Variants in SP6 observed in about 807,000 individuals in gnomAD.
SP6 encodes transcription factor Sp6.
Under a neutral mutation model 23.4 loss-of-function variants are expected in SP6, and 10 were observed. That is an observed-to-expected ratio of 0.43 (90% CI 0.26 to 0.72). The LOEUF is 0.72. Among genes scored for constraint, SP6 ranks in the 30% least tolerant of loss-of-function variants. The pLI is 0.23. For missense variants in SP6, 482 were observed against 523.8 expected (o/e 0.92, Z 0.78); for synonymous variants, 238 against 238.7 (o/e 1.00, Z 0.03).
the SP6 span, among the ~76,000 whole-genome samples, chr17:47,867,442 G>A: frequency 6.6e-6 from 1 of 152,214 alleles, no homozygotes; most frequent in Non-Finnish European, 1.5e-5. Flanking sequence ...GGCTAGGCCT[G>A]AAATACCTCT....
the SP6 span, among the ~76,000 whole-genome samples, chr17:47,863,839 C>A: frequency 6.7e-6 from 1 of 149,228 alleles, no homozygotes; most frequent in Non-Finnish European, 1.5e-5. Context: ...CCTGGGTTCA[C>A]GCCATTCTCC....
At chr17:47,854,163 T>C (rs2033981877), upstream of SP6, among the ~76,000 whole-genome samples, 1 of 152,184 alleles carries the variant, frequency 6.6e-6, no homozygotes, top group African/African-American at 2.4e-5. Context: ...CCCCCATTCC[T>C]GCCACCCCTC....
rs967009118 is a variant in SP6, at chr17:47,846,727, T to G, written c.*572A>C. ...GGAGTTATTTTTACAGCAACAACCC[T>G]CCAAACCAGAAAGAGACACCCCTGC... On this transcript the variant is annotated 3_prime_UTR_variant, in exon 2 of 2. Coordinates refer to ENST00000536300, the MANE Select transcript of SP6 (RefSeq NM_001258248.2). The G allele has an allele frequency of 6.6e-6, 1 of 152,132 alleles. No individual in the cohort carries two copies. 9.4% of individuals were successfully genotyped at this position (152,132 alleles called of 1,614,324 possible).
At chr17:47,872,837 G>C in the SP6 span, among the ~76,000 whole-genome samples, 7 of 152,124 alleles carry the variant, frequency 4.6e-5, no homozygotes, top group Admixed American at 6.5e-5. Context: ...GATTAGAGCC[G>C]GCCCTCAGCC....
rs769284091 is a variant in SP6, at chr17:47,848,227, T to G, written c.203A>C (p.Glu68Ala). The G allele has an allele frequency of 6.2e-7, 1 of 1,612,308 alleles. No homozygotes were observed. The highest frequency in any genetic ancestry group is 1.7e-5 in the Admixed American group (1 of 60,002). The change falls in exon 2 of 2, where the codon GAG becomes GCG. Residue 68 changes from glutamate to alanine, a missense_variant. By Grantham distance (107) the Glu-to-Ala change is moderately radical. Transcript: ENST00000536300. The surrounding 1 kb of genome is among the most constrained non-coding windows in gnomAD (Gnocchi z 5.3). ...GPEVDFSQGY[E>A]LPGASSRVTC... ...TACCCGCGAGGAGGCCCCTGGCAGCTCATAGCCCTGCGAGAAGTCCACCTC... is the reference window on the plus strand; with the variant it reads ...TACCCGCGAGGAGGCCCCTGGCAGCGCATAGCCCTGCGAGAAGTCCACCTC...
chr17:47,847,031 C>T lies in SP6; in HGVS notation c.*268G>A. 1 of 475,370 alleles carries T rather than the reference C, an allele frequency of 2.1e-6. No homozygotes were observed. The highest frequency in any genetic ancestry group is 3.9e-5 in the Admixed American group (1 of 25,948). 29.4% of individuals were successfully genotyped at this position (475,370 alleles called of 1,614,324 possible). A position where few individuals can be genotyped will look rare whatever the true frequency, so the allele number is the denominator to read the frequency against. ...GTACGGGTGTCCCACCCCAACCCCC[C>T]AGCCCAGGGGCGAGGGAAACTGTGA... On this transcript the variant is annotated 3_prime_UTR_variant, in exon 2 of 2. Transcript: ENST00000536300.
At position 47,848,391 on chromosome 17, in the gene SP6, G is replaced by A; in HGVS notation, c.39C>T (p.His13=). 6.5e-7 allele frequency: 1 copy of A among 1,548,076 alleles called. No individual in the cohort carries two copies. The highest frequency in any genetic ancestry group is 8.7e-7 in the Non-Finnish European group (1 of 1,146,846). Reference sequence around the variant, plus strand: ...GCGGGGAGGCGTGCGGCGCTTCCGTGTGCTGGCTGCCCAGAGAGCCGCAGA... The same window carrying A: ...GCGGGGAGGCGTGCGGCGCTTCCGTATGCTGGCTGCCCAGAGAGCCGCAGA... ...TAVCGSLGSQ[H]TEAPHASPPR... Residue 13 remains histidine (H), a synonymous_variant, in exon 2 of 2, where the codon CAC becomes CAT. Transcript: ENST00000536300. This position sits in a 1 kb window ranked among gnomAD's most constrained non-coding sequence, Gnocchi z 5.3.
rs757813847 is a variant in SP6, at chr17:47,847,398, A to G, written c.1032T>C (p.Ala344=). 22 of 1,612,802 alleles carry G rather than the reference A, an allele frequency of 1.4e-5. No homozygotes were observed. Among genetic ancestry groups the G allele is most frequent in the Non-Finnish European group, 8.5e-7 (1 of 1,179,686 alleles). The change falls in exon 2 of 2, where the codon GCT becomes GCC. Residue 344 remains alanine (A), a synonymous_variant. Transcript: ENST00000536300. ...CCTTGCCCTCTCCCGAGGCCGCCCC[A>G]GCCGCCTCCTCCTTGGCGCCCTCGT... ...KTHEGAKEEA[A]GAASGEGKAG...
Position 47,846,703 on chromosome 17 carries a change from G to A in SP6, c.*596C>T, listed in dbSNP as rs1439420299. ...GGGTTAATAAGGAAGCTCATCAAAG[G>A]AGTTATTTTTACAGCAACAACCCTC... On this transcript the variant is annotated 3_prime_UTR_variant, in exon 2 of 2. Coordinates refer to ENST00000536300, the MANE Select transcript of SP6 (RefSeq NM_001258248.2). 2.0e-5 allele frequency: 3 copies of A among 152,338 alleles called. No individual in the cohort carries two copies. The highest frequency in any genetic ancestry group is 6.5e-5 in the Admixed American group (1 of 15,306). 9.4% of individuals were successfully genotyped at this position (152,338 alleles called of 1,614,324 possible). A position where few individuals can be genotyped will look rare whatever the true frequency, so the allele number is the denominator to read the frequency against.
chr17:47,866,585 T>C, the SP6 span, among the ~76,000 whole-genome samples: 1 of 152,250 alleles, frequency 6.6e-6, no homozygotes, highest in Admixed American at 6.5e-5. Flanking sequence ...GTTTGGGGAT[T>C]GGCTGCCGGA....
At chr17:47,854,430 G>C (rs951175835), upstream of SP6, among the ~76,000 whole-genome samples, 2 of 152,190 alleles carry the variant, frequency 1.3e-5, no homozygotes, top group African/African-American at 2.4e-5. Context: ...GACAGAAGAA[G>C]AAACTGAGTT....
At chr17:47,872,983 A>AC in the SP6 span, among the ~76,000 whole-genome samples, 1 of 150,878 alleles carries the variant, frequency 6.6e-6, no homozygotes, top group Non-Finnish European at 1.5e-5. Context: ...CAACATCTGA[A>AC]CCCCCCTTCT....
chr17:47,868,030 CCTCA>C, the SP6 span, among the ~76,000 whole-genome samples: 1 of 152,116 alleles, frequency 6.6e-6, no homozygotes, highest in African/African-American at 2.4e-5. Context: ...GCACACACGC[CCTCA>C]CTCAGTCACA....
the SP6 span, among the ~76,000 whole-genome samples, chr17:47,863,833 G>A: frequency 2.0e-5 from 3 of 150,258 alleles, no homozygotes; most frequent in Non-Finnish European, 4.4e-5. Flanking sequence ...CCGCCTCCTG[G>A]GTTCACGCCA....
chr17:47,854,434 CTG>C (rs2033983771), upstream of SP6, among the ~76,000 whole-genome samples: 1 of 152,178 alleles, frequency 6.6e-6, no homozygotes, highest in Admixed American at 6.5e-5. Context: ...GAAGAAGAAA[CTG>C]AGTTCAGATC....
In SP6 at chr17:47,848,073, C is replaced by G; in HGVS notation, c.357G>C (p.Ser119=). ...TGGTGCCCGGATGAAGGTCCCACCA[C>G]GAGCCATCCTCCGCGCCTGGGTGAG... The part of the protein sequence containing the change: ...RPTHPGAEDG[S]WWDLHPGTSW... The change falls in exon 2 of 2, where the codon TCG becomes TCC. Residue 119 remains serine, a synonymous_variant. Coordinates refer to ENST00000536300, the MANE Select transcript of SP6 (RefSeq NM_001258248.2). The surrounding 1 kb of genome is among the most constrained non-coding windows in gnomAD (Gnocchi z 5.3). 2.5e-6 allele frequency: 4 copies of G among 1,613,296 alleles called. No individual in the cohort carries two copies. The highest frequency in any genetic ancestry group is 2.2e-5 in the East Asian group (1 of 44,870).
At chr17:47,852,448 T>C (rs2033967744), upstream of SP6, among the ~76,000 whole-genome samples, 1 of 152,110 alleles carries the variant, frequency 6.6e-6, no homozygotes, top group Non-Finnish European at 1.5e-5. Flanking sequence ...GGAATGCAGA[T>C]TAATTTCCCT....
At position 47,848,640 on chromosome 17, in the gene SP6, G is replaced by A. The variant is rs567489361; in HGVS notation, c.-57-154C>T. On this transcript the variant is annotated intron_variant, in intron 1 of 1. Coordinates refer to ENST00000536300, the MANE Select transcript of SP6 (RefSeq NM_001258248.2). The surrounding 1 kb of genome is among the most constrained non-coding windows in gnomAD (Gnocchi z 5.3). ...TTAGAGAATTCGGGAGTGCGAGGAA[G>A]GGTCCAAGATGTGAGGTTCTCATCC... 6.6e-6 allele frequency among the ~76,000 whole-genome samples: 1 copy of A among 152,292 alleles called. No homozygotes were observed. The highest frequency in any genetic ancestry group is 2.1e-4 in the South Asian group (1 of 4,828).
chr17:47,871,461 C>G, the SP6 span, among the ~76,000 whole-genome samples: 17 of 152,148 alleles, frequency 1.1e-4, no homozygotes, highest in African/African-American at 4.1e-4. Flanking sequence ...GAGAAGTTTG[C>G]TTTCTGTGAT....
Sources: gnomAD v4.1 joint callset for allele counts (sites outside exome capture counted in the v4.1 genomes callset) on GRCh38, gnomAD v4.1.1 for gene constraint, Gnocchi (gnomAD v3.1) non-coding constraint, MANE v1.5 for transcripts, NCBI Gene and HGNC (gene_info 2026-07-23, HGNC 2026-07-21) for gene names.